Variants in NOMO3 observed in about 807,000 individuals in gnomAD.
NOMO3 encodes the protein BOS complex subunit NOMO3.
A neutral mutation model predicts 69.9 loss-of-function variants in NOMO3; 15 were observed. The ratio of observed to expected loss-of-function variants is 0.21; its 90% confidence interval spans 0.14 to 0.33. The LOEUF (loss-of-function observed/expected upper bound fraction) is 0.33. Ranked by LOEUF, NOMO3 falls within the 10% of genes least tolerant of loss-of-function variation. The pLI, the probability that NOMO3 is intolerant of heterozygous loss-of-function variation, is 1.00. For missense variants in NOMO3, 218 were observed against 761.0 expected, an observed-to-expected ratio of 0.29 and a Z score of 8.39; for synonymous variants, 89 against 301.9, an observed-to-expected ratio of 0.29 and a Z score of 7.31.
rs1555527139 is a variant in NOMO3 at position 16,274,259 on chromosome 16, T to TTGGGTGGA, written c.2356+187_2356+188insGTGGATGG. ...ATGGATGGATGGATGGATGGTTGGG[T>TTGGGTGGA]TGGATGGATGGATGGATGGATGGAT... On this transcript the variant is annotated intron_variant, in intron 20 of 30. Coordinates refer to ENST00000399336, the MANE Select transcript of NOMO3 (RefSeq NM_001004067.4). 1.3e-3 allele frequency among the ~76,000 whole-genome samples: 158 copies of TTGGGTGGA among 117,416 alleles called. 5 individuals are homozygous for TTGGGTGGA. Among genetic ancestry groups the TTGGGTGGA allele is most frequent in the Middle Eastern group, 8.1e-3 (2 of 246 alleles). 77.0% of individuals were successfully genotyped at this position (117,416 alleles called of 152,430 possible).
intron 13 of NOMO3, 74 bp downstream of exon 13, chr16:16,263,289 T>C: frequency 6.3e-7 from 1 of 1,594,444 alleles, no homozygotes; most frequent in Non-Finnish European, 8.5e-7. Context: ...TTGGGAAACT[T>C]TTTGTTTTGC....
intron 15 of NOMO3, 123 bp downstream of exon 15, chr16:16,265,302 C>T: frequency 6.4e-7 from 1 of 1,568,688 alleles, no homozygotes; most frequent in Non-Finnish European, 8.6e-7. Context: ...TGCCTCTGCA[C>T]TCACCCACCT....
Position 16,243,227 on chromosome 16 carries a change from A to G in NOMO3, c.368A>G (p.Asn123Ser), listed in dbSNP as rs1195898719. 9.3e-6 allele frequency: 11 copies of G among 1,188,398 alleles called. No homozygotes were observed. Among genetic ancestry groups the G allele is most frequent in the South Asian group, 1.5e-5 (1 of 65,362 alleles). 73.6% of individuals were successfully genotyped at this position (1,188,398 alleles called of 1,614,324 possible). A position where few individuals can be genotyped will look rare whatever the true frequency, so the allele number is the denominator to read the frequency against. ...SDICTKGGDI[N>S]FVFTGFSVNG... is the part of the protein sequence containing the mutation. Reference sequence around the variant, plus strand: ...ATCTGCACAAAGGGTGGGGACATCAACTTTGTCTTCACTGGGTTCTCTGTG... The same window carrying G: ...ATCTGCACAAAGGGTGGGGACATCAGCTTTGTCTTCACTGGGTTCTCTGTG... The change falls in exon 4 of 31, where the codon AAC (asparagine) becomes AGC (serine). Residue 123 changes from asparagine to serine, a missense_variant. Physicochemically the swap from Asn to Ser is conservative, Grantham distance 46. Transcript: ENST00000399336.
At chr16:16,268,503 G>C (rs548133222) in intron 16 of NOMO3, among the ~76,000 whole-genome samples, 1 of 143,790 alleles carries the variant, frequency 7.0e-6, no homozygotes, top group African/African-American at 2.9e-5. Context: ...TGGCTCCTCC[G>C]TTTGGTTCCC....
Position 16,239,427 on chromosome 16 carries a change from A to T in NOMO3, c.256-424A>T, listed in dbSNP as rs1468047223. ...TGCCTTGGCCTCCCACAGTGTTGGG[A>T]TTATAGGTGTGAGGTACTGTGCCTG... On this transcript the variant is annotated intron_variant, in intron 2 of 30. Coordinates refer to ENST00000399336, the MANE Select transcript of NOMO3 (RefSeq NM_001004067.4). Among the ~76,000 whole-genome samples, 12 of 146,514 alleles carry T rather than the reference A, an allele frequency of 8.2e-5. 1 individual carries two copies. The South Asian group carries it at 1.5e-3, about 18-fold the overall frequency.
intron 11 of NOMO3, among the ~76,000 whole-genome samples, chr16:16,258,543 C>G (rs2049535081): frequency 7.2e-6 from 1 of 138,240 alleles, no homozygotes; most frequent in African/African-American, 3.1e-5. Flanking sequence ...GGGCTTTGCT[C>G]CCTAATGCAG....
At chr16:16,249,598 A>AG (rs2049446054) in intron 6 of NOMO3, among the ~76,000 whole-genome samples, 1 of 140,162 alleles carries the variant, frequency 7.1e-6, no homozygotes, top group Non-Finnish European at 1.5e-5. Flanking sequence ...AAAAAAAAAA[A>AG]AATTTATTCG....
intron 1 of NOMO3, chr16:16,235,746 G>T (rs1040022164): frequency 2.3e-6 from 1 of 426,162 alleles, no homozygotes; most frequent in African/African-American, 2.2e-5. Context: ...GGGCTCAAGT[G>T]ATCCTCCTTC....
intron 5 of NOMO3, among the ~76,000 whole-genome samples, chr16:16,246,667 C>T (rs1403506817): frequency 1.6e-5 from 2 of 128,152 alleles, no homozygotes; most frequent in Non-Finnish European, 3.1e-5. Flanking sequence ...TTCATTTCAC[C>T]GGACTTAGCC....
chr16:16,243,809 G>A (rs2049393849), intron 4 of NOMO3, among the ~76,000 whole-genome samples: 2 of 142,232 alleles, frequency 1.4e-5, no homozygotes, highest in South Asian at 2.3e-4. Context: ...ACAGGTGTAC[G>A]CTGTGCACCC....
chr16:16,262,953 C>T lies in NOMO3; in HGVS notation c.1396-121C>T, dbSNP rs528823332. The T allele has an allele frequency of 7.7e-5, 115 of 1,490,474 alleles. 8 individuals are homozygous for T. The highest frequency in any genetic ancestry group is 2.0e-4 in the East Asian group (8 of 39,372). The allele number at this position is 1,490,474 out of a possible 1,614,324, so 92.3% of individuals were successfully genotyped here. A position where few individuals can be genotyped will look rare whatever the true frequency, so the allele number is the denominator to read the frequency against. ...TGTGATTGTAAAATCAGCCTGGAAA[C>T]GAACCTTTGGCCTTCAAAATCTCTT... On this transcript the variant is annotated intron_variant, in intron 12 of 30. Coordinates refer to ENST00000399336, the MANE Select transcript of NOMO3 (RefSeq NM_001004067.4).
rs925338105 is a variant in NOMO3 at position 16,268,925 on chromosome 16, T to G, written c.1895-1196T>G. Among the ~76,000 whole-genome samples, 9 of 142,032 alleles carry G rather than the reference T, an allele frequency of 6.3e-5. 3 individuals carry two copies. Among genetic ancestry groups the G allele is most frequent in the African/African-American group, 2.7e-4 (9 of 33,880 alleles). 93.2% of individuals were successfully genotyped at this position (142,032 alleles called of 152,430 possible). A position where few individuals can be genotyped will look rare whatever the true frequency, so the allele number is the denominator to read the frequency against. On this transcript the variant is annotated intron_variant, in intron 16 of 30. Transcript: ENST00000399336. ...TTGTCTGTATTATTGGCCAGAACCG[T>G]GCCACATGGTTACTTCTAGCTGCAA... is the stretch of plus-strand genomic sequence containing the variant.
chr16:16,246,625 C>T (rs1045349366), intron 5 of NOMO3, among the ~76,000 whole-genome samples: 10 of 135,268 alleles, frequency 7.4e-5, no homozygotes, highest in Non-Finnish European at 1.2e-4. Context: ...CAATAAAATA[C>T]CACAGAAGAA....
intron 1 of NOMO3, among the ~76,000 whole-genome samples, chr16:16,234,491 T>C (rs1346701289): frequency 1.4e-5 from 2 of 142,614 alleles, no homozygotes; most frequent in African/African-American, 5.6e-5. Flanking sequence ...AATCAGACAT[T>C]TCATACTGGC....
At chr16:16,237,402 A>G (rs2049335501) in intron 2 of NOMO3, among the ~76,000 whole-genome samples, 1 of 144,782 alleles carries the variant, frequency 6.9e-6, no homozygotes, top group Non-Finnish European at 1.5e-5. Flanking sequence ...AAAATTGTAC[A>G]AGTAATACAT....
intron 11 of NOMO3, among the ~76,000 whole-genome samples, chr16:16,259,033 GGTAGT>G (rs1379503272): frequency 7.0e-6 from 1 of 142,372 alleles, no homozygotes; most frequent in Non-Finnish European, 1.5e-5. Flanking sequence ...GAGGAGATAT[GGTAGT>G]GGCTGGGCCC....
At chr16:16,235,305 A>C (rs1344299514) in intron 1 of NOMO3, among the ~76,000 whole-genome samples, 2 of 150,410 alleles carry the variant, frequency 1.3e-5, no homozygotes, top group African/African-American at 5.0e-5. Context: ...TAGAGCATTA[A>C]CATTTTGGAG....
intron 9 of NOMO3, among the ~76,000 whole-genome samples, chr16:16,254,722 G>A (rs1371559968): frequency 7.0e-6 from 1 of 143,764 alleles, no homozygotes; most frequent in Non-Finnish European, 1.5e-5. Flanking sequence ...TTCAGATACT[G>A]GTAAGTTTGA....
chr16:16,261,771 C>G, intron 12 of NOMO3, 95 bp downstream of exon 12: 1 of 1,422,206 alleles, frequency 7.0e-7, no homozygotes, highest in South Asian at 1.5e-5. Flanking sequence ...AAGGAGCATT[C>G]CAGTTTCCAA....
Sources: allele counts gnomAD v4.1 joint callset (sites outside exome capture counted in the v4.1 genomes callset), GRCh38; gene constraint gnomAD v4.1.1; transcripts MANE v1.5; gene names NCBI Gene and HGNC (gene_info 2026-07-23, HGNC 2026-07-21).